The following DNAI7 variants were observed in gnomAD, a reference collection of about 807,000 sequenced individuals.
The protein encoded by DNAI7 is dynein axonemal intermediate chain 7.
DNAI7 carries 78 observed loss-of-function variants against 86.6 expected under a neutral mutation model. The ratio of observed to expected loss-of-function variants is 0.90; its 90% confidence interval spans 0.75 to 1.09. The LOEUF (loss-of-function observed/expected upper bound fraction) is 1.09. Among genes scored for constraint, DNAI7 ranks in the 50% least tolerant of loss-of-function variants. DNAI7 has a pLI of 0.00. For synonymous variants in DNAI7, 274 were observed against 273.0 expected (o/e 1.00, Z -0.04); for missense variants, 753 against 810.2 (o/e 0.93, Z 0.86).
At chr12:25,107,231 G>A (rs184200902), downstream of DNAI7, among the ~76,000 whole-genome samples, 1 of 152,218 alleles carries the variant, frequency 6.6e-6, no homozygotes, top group African/African-American at 2.4e-5. Context: ...TTGAGAGACA[G>A]ACTACATTCA....
At chr12:25,181,839 C>T (rs745859859) in intron 2 of DNAI7, among the ~76,000 whole-genome samples, 6 of 151,826 alleles carry the variant, frequency 4.0e-5, no homozygotes, top group Admixed American at 6.6e-5. Flanking sequence ...TCACACTAGT[C>T]AGAATGTCTA....
intron 7 of DNAI7, among the ~76,000 whole-genome samples, chr12:25,148,940 A>G (rs963255945): frequency 6.6e-5 from 10 of 152,116 alleles, no homozygotes; most frequent in Non-Finnish European, 1.2e-4. Context: ...GTTCATGCTG[A>G]TATTTCCATT....
chr12:25,117,991 TG>T (rs1940507039), intron 12 of DNAI7, among the ~76,000 whole-genome samples: 1 of 148,816 alleles, frequency 6.7e-6, no homozygotes, highest in Non-Finnish European at 1.5e-5. Flanking sequence ...TGGAGTGCAG[TG>T]GCGCAATCTC....
chr12:25,111,774 T>C lies in DNAI7; in HGVS notation c.1777A>G (p.Lys593Glu), dbSNP rs1938875739. The change falls in exon 14 of 16, where the codon AAG becomes GAG. Residue 593 changes from lysine (K) to glutamate (E), a missense_variant and splice_region_variant. Transcript: ENST00000395987. ...HSHFYVIINN[K>E]VPLVEVKAYR... ...AATTTGGAAAGATTCATTCTTGCCT[T>C]ATTGTTTATAATAACATAAAAATGA... 1.3e-6 allele frequency: 2 copies of C among 1,566,226 alleles called. No homozygotes were observed. Among genetic ancestry groups the C allele is most frequent in the Non-Finnish European group, 1.7e-6 (2 of 1,160,080 alleles).
At chr12:25,113,812 C>G (rs1195674714) in intron 13 of DNAI7, among the ~76,000 whole-genome samples, 1 of 152,068 alleles carries the variant, frequency 6.6e-6, no homozygotes, top group Non-Finnish European at 1.5e-5. Flanking sequence ...TCATTTTCAT[C>G]CCTCCCAATA....
intron 2 of DNAI7, among the ~76,000 whole-genome samples, chr12:25,189,288 T>C (rs1950298826): frequency 6.6e-6 from 1 of 152,078 alleles, no homozygotes; most frequent in South Asian, 2.1e-4. Flanking sequence ...TTATAAATAA[T>C]TACAATAAAA....
At chr12:25,164,849 C>T in intron 2 of DNAI7, among the ~76,000 whole-genome samples, 1 of 151,934 alleles carries the variant, frequency 6.6e-6, no homozygotes, top group Non-Finnish European at 1.5e-5. Context: ...TCCTCAGCCT[C>T]CACTCCTCCA....
At chr12:25,190,063 A>G (rs1021229912) in intron 2 of DNAI7, among the ~76,000 whole-genome samples, 1 of 151,998 alleles carries the variant, frequency 6.6e-6, no homozygotes, top group South Asian at 2.1e-4. Flanking sequence ...ACTGCCAGCC[A>G]ATGGATTATA....
chr12:25,174,832 A>G (rs1326171655), intron 2 of DNAI7, among the ~76,000 whole-genome samples: 2 of 150,808 alleles, frequency 1.3e-5, no homozygotes, highest in African/African-American at 4.9e-5. Context: ...GAGACTAGAG[A>G]CTATTATTCT....
downstream of DNAI7, chr12:25,108,157 C>A: frequency 7.3e-7 from 1 of 1,363,258 alleles, no homozygotes; most frequent in South Asian, 1.4e-5. Context: ...TAGCATGAAA[C>A]CAGAGGTTCT....
intron 3 of DNAI7, 88 bp from the exon 4 acceptor site, chr12:25,158,651 A>G (rs1027430431): frequency 2.4e-5 from 36 of 1,511,314 alleles, no homozygotes; most frequent in Middle Eastern, 1.8e-4. Flanking sequence ...TTCAAGATGT[A>G]GTGGTGGAAT....
intron 2 of DNAI7, 29 bp downstream of exon 2, chr12:25,190,585 C>T (rs1423597236): frequency 8.8e-7 from 1 of 1,133,938 alleles, no homozygotes; most frequent in Middle Eastern, 2.1e-4. Context: ...GATTATACAA[C>T]TATCTATTTT....
chr12:25,150,218 A>C (rs2140919143), intron 6 of DNAI7, among the ~76,000 whole-genome samples: 1 of 152,338 alleles, frequency 6.6e-6, no homozygotes, highest in Non-Finnish European at 1.5e-5. Context: ...CCCAGTGCCA[A>C]AGTATTTGAC....
At chr12:25,158,279 G>A (rs1019805486) in intron 4 of DNAI7, among the ~76,000 whole-genome samples, 193 bp downstream of exon 4, 1 of 151,956 alleles carries the variant, frequency 6.6e-6, no homozygotes, top group African/African-American at 2.4e-5. Flanking sequence ...CTGATTAGAT[G>A]CTTAATTTCT....
At chr12:25,142,622 A>G (rs1281893066) in intron 9 of DNAI7, among the ~76,000 whole-genome samples, 1 of 152,228 alleles carries the variant, frequency 6.6e-6, no homozygotes, top group East Asian at 1.9e-4. Context: ...AATAGTTCAA[A>G]TTTTATGGTT....
chr12:25,120,649 C>T (rs1339045563), intron 11 of DNAI7, among the ~76,000 whole-genome samples: 1 of 152,000 alleles, frequency 6.6e-6, no homozygotes, highest in Admixed American at 6.6e-5. Context: ...GGCGTGAACC[C>T]GGGAGGCGGA....
chr12:25,168,457 G>C (rs912865856), intron 2 of DNAI7, among the ~76,000 whole-genome samples: 1 of 152,084 alleles, frequency 6.6e-6, no homozygotes, highest in African/African-American at 2.4e-5. Flanking sequence ...TTCAACCTCT[G>C]TCACGACCTT....
intron 6 of DNAI7, among the ~76,000 whole-genome samples, chr12:25,151,159 T>A (rs1945492593): frequency 6.6e-6 from 1 of 152,182 alleles, no homozygotes; most frequent in Admixed American, 6.5e-5. Context: ...ATGCAGGGCT[T>A]CAATCCTGGC....
At chr12:25,181,083 T>C (rs1220490787) in intron 2 of DNAI7, among the ~76,000 whole-genome samples, 5 of 152,104 alleles carry the variant, frequency 3.3e-5, no homozygotes, top group East Asian at 1.9e-4. Context: ...GCTGGGACTA[T>C]AGGCATGAGC....
Sources: gnomAD v4.1 joint callset for allele counts (sites outside exome capture counted in the v4.1 genomes callset) on GRCh38, gnomAD v4.1.1 for gene constraint, MANE v1.5 for transcripts, NCBI Gene and HGNC (gene_info 2026-07-23, HGNC 2026-07-21) for gene names.